ACVR1: variants seen among roughly 807,000 people sequenced by gnomAD.
The protein encoded by ACVR1 is activin receptor type-1.
Under a neutral mutation model 57.1 loss-of-function variants are expected in ACVR1, and 38 were observed. That is an observed-to-expected ratio of 0.67 (90% CI 0.51 to 0.87). The LOEUF (loss-of-function observed/expected upper bound fraction) is 0.87. ACVR1 is among the 40% of genes least tolerant of loss of function. The pLI, the probability that ACVR1 is intolerant of heterozygous loss-of-function variation, is 0.00. For synonymous variants in ACVR1, 212 were observed against 228.1 expected (o/e 0.93, Z 0.63); for missense variants, 463 against 638.2 (o/e 0.73, Z 2.96).
intron 1 of ACVR1, among the ~76,000 whole-genome samples, chr2:157,868,215 T>G (rs1690004786): frequency 6.6e-6 from 1 of 152,076 alleles, no homozygotes; most frequent in Non-Finnish European, 1.5e-5. Flanking sequence ...CCAGGCACGG[T>G]GGCTAGCGCC....
intron 2 of ACVR1, among the ~76,000 whole-genome samples, chr2:157,800,570 A>G (rs549886876): frequency 6.6e-6 from 1 of 152,138 alleles, no homozygotes; most frequent in South Asian, 2.1e-4. Flanking sequence ...ACTTAAATTT[A>G]TTTCTCTTTG....
rs1410023373 is a variant in ACVR1, at chr2:157,818,426, A to G, written c.-49T>C. On this transcript the variant is annotated 5_prime_UTR_variant, in exon 2 of 11. Coordinates refer to ENST00000434821, the MANE Select transcript of ACVR1 (RefSeq NM_001111067.4). Reference sequence around the variant, plus strand: ...GGTCACATCTGCCCACAGTCCTTCAAGCCGCGTGCCCTCGTTCAGAGCTTC... The same window carrying G: ...GGTCACATCTGCCCACAGTCCTTCAGGCCGCGTGCCCTCGTTCAGAGCTTC... 1 of 152,154 alleles carries G rather than the reference A, an allele frequency of 6.6e-6. No individual in the cohort carries two copies. Among genetic ancestry groups the G allele is most frequent in the Non-Finnish European group, 1.5e-5 (1 of 68,034 alleles). The allele number at this position is 152,154 out of a possible 1,614,324, so 9.4% of individuals were successfully genotyped here.
intron 2 of ACVR1, among the ~76,000 whole-genome samples, chr2:157,814,838 C>G (rs1687875368): frequency 6.6e-6 from 1 of 152,190 alleles, no homozygotes; most frequent in Admixed American, 6.5e-5. Context: ...AATCCCAGCA[C>G]TTTGGGAGGC....
intron 3 of ACVR1, among the ~76,000 whole-genome samples, chr2:157,787,821 G>C (rs1431481494): frequency 1.3e-5 from 2 of 152,174 alleles, no homozygotes; most frequent in African/African-American, 4.8e-5. Context: ...AGATGAGATA[G>C]AACAGTGGAG....
At chr2:157,819,116 G>A (rs1049175657) in intron 1 of ACVR1, among the ~76,000 whole-genome samples, 36 of 143,692 alleles carry the variant, frequency 2.5e-4, no homozygotes, top group Non-Finnish European at 4.2e-4. Flanking sequence ...AGTAAGATCT[G>A]CAGTCAGCAC....
At chr2:157,801,180 T>C (rs1287851424) in intron 2 of ACVR1, among the ~76,000 whole-genome samples, 2 of 152,196 alleles carry the variant, frequency 1.3e-5, no homozygotes, top group African/African-American at 4.8e-5. Context: ...TGAGACTTAA[T>C]CTGGTCTCTA....
At chr2:157,857,689 G>A (rs1278229041) in intron 1 of ACVR1, among the ~76,000 whole-genome samples, 1 of 152,134 alleles carries the variant, frequency 6.6e-6, no homozygotes, top group Non-Finnish European at 1.5e-5. Context: ...TATAGACAAA[G>A]GCTGAATACT....
At chr2:157,759,087 T>C (rs1214606427) in intron 9 of ACVR1, among the ~76,000 whole-genome samples, 1 of 151,866 alleles carries the variant, frequency 6.6e-6, no homozygotes, top group Non-Finnish European at 1.5e-5. Flanking sequence ...CTCAAGGAAC[T>C]AGAAAAGCAA....
chr2:157,874,612 G>T (rs577709093), intron 1 of ACVR1, among the ~76,000 whole-genome samples: 34 of 152,196 alleles, frequency 2.2e-4, no homozygotes, highest in Non-Finnish European at 4.1e-4. Context: ...TTTCCAGGAA[G>T]AATTTTTTTG....
chr2:157,761,533 A>G (rs1247054127), intron 8 of ACVR1, among the ~76,000 whole-genome samples: 1 of 152,236 alleles, frequency 6.6e-6, no homozygotes, highest in Admixed American at 6.5e-5. Context: ...TTATCACTAC[A>G]TAAAGGGCAG....
intron 4 of ACVR1, 97 bp from the exon 5 acceptor site, chr2:157,778,439 C>T: frequency 9.9e-7 from 1 of 1,010,496 alleles, no homozygotes; most frequent in South Asian, 1.4e-5. Flanking sequence ...CTGATCCTGA[C>T]CACACAGTCT....
intron 6 of ACVR1, among the ~76,000 whole-genome samples, chr2:157,772,793 AT>A (rs1686121169): frequency 6.6e-6 from 1 of 152,098 alleles, no homozygotes; most frequent in African/African-American, 2.4e-5. Flanking sequence ...TTCCATCTTT[AT>A]TTTCTCCATT....
chr2:157,841,121 C>A (rs913818699), intron 1 of ACVR1, among the ~76,000 whole-genome samples: 9 of 152,194 alleles, frequency 5.9e-5, no homozygotes, highest in African/African-American at 2.2e-4. Context: ...CCTGGCCACT[C>A]TCCTCTTGTC....
intron 1 of ACVR1, among the ~76,000 whole-genome samples, chr2:157,871,854 G>A (rs754163148): frequency 6.6e-5 from 10 of 152,200 alleles, no homozygotes; most frequent in Non-Finnish European, 1.5e-4. Flanking sequence ...TTGAGAGTGT[G>A]AGTTCAAGCA....
At chr2:157,741,057 T>C (rs1684737981) in intron 9 of ACVR1, among the ~76,000 whole-genome samples, 1 of 152,184 alleles carries the variant, frequency 6.6e-6, no homozygotes, top group Non-Finnish European at 1.5e-5. Context: ...GGATGCCGTA[T>C]TAAATGCTGA....
chr2:157,868,434 G>A lies in ACVR1; in HGVS notation c.-183+7362C>T, dbSNP rs554812683. 1.1e-4 allele frequency among the ~76,000 whole-genome samples: 17 copies of A among 150,864 alleles called. 1 individual carries two copies. The South Asian group carries it at 3.4e-3, about 30-fold the overall frequency. ...CCCAAGGTGGAAGTTGCAGTGAGCC[G>A]AGATCGCGCCACGGCACTCCAGCCC... On this transcript the variant is annotated intron_variant, in intron 1 of 10. Coordinates refer to ENST00000434821, the MANE Select transcript of ACVR1 (RefSeq NM_001111067.4).
In ACVR1 at chr2:157,765,957, C is replaced by A; in HGVS notation, c.1030G>T (p.Val344Phe). 10 of 1,614,096 alleles carry A rather than the reference C, an allele frequency of 6.2e-6. No homozygotes were observed. Among genetic ancestry groups the A allele is most frequent in the Non-Finnish European group, 8.5e-6 (10 of 1,179,996 alleles). Residue 344 changes from valine (V) to phenylalanine (F), a missense_variant, in exon 8 of 11, where the codon GTT becomes TTT. Coordinates refer to ENST00000434821, the MANE Select transcript of ACVR1 (RefSeq NM_001111067.4). ...HRDLKSKNIL[V>F]KKNGQCCIAD... Reference sequence around the variant, plus strand: ...ATGCAACACTGTCCATTCTTCTTAACCAGAATATTTTTGCTCTTTAAATCT... The same window carrying A: ...ATGCAACACTGTCCATTCTTCTTAAACAGAATATTTTTGCTCTTTAAATCT...
At chr2:157,765,457 G>T (rs1362285777) in intron 8 of ACVR1, among the ~76,000 whole-genome samples, 3 of 152,170 alleles carry the variant, frequency 2.0e-5, no homozygotes, top group African/African-American at 4.8e-5. Context: ...TGAGCCTGAG[G>T]TAACTGTCAA....
chr2:157,831,300 AT>A (rs1465102572), intron 1 of ACVR1, among the ~76,000 whole-genome samples: 5 of 152,268 alleles, frequency 3.3e-5, no homozygotes, highest in Admixed American at 3.3e-4. Flanking sequence ...GATCCAAGGA[AT>A]AATAAATGGC....
Sources: gnomAD v4.1 joint callset for allele counts (sites outside exome capture counted in the v4.1 genomes callset) on GRCh38, gnomAD v4.1.1 for gene constraint, MANE v1.5 for transcripts, NCBI Gene and HGNC (gene_info 2026-07-23, HGNC 2026-07-21) for gene names.